Variants in PDE4D observed in about 807,000 individuals in gnomAD.
The protein encoded by PDE4D is phosphodiesterase 4D.
Under a neutral mutation model 87.4 loss-of-function variants are expected in PDE4D, and 24 were observed. The ratio of observed to expected loss-of-function variants is 0.27; its 90% CI spans 0.20 to 0.39. The LOEUF is 0.39. PDE4D is among the 10% of genes least tolerant of loss of function. The probability of loss-of-function intolerance (pLI) is 1.00; values close to 1 mark genes in which losing one functional copy is unlikely to be tolerated. For synonymous variants in PDE4D, 384 were observed against 383.2 expected, an observed-to-expected ratio of 1.00 and a Z score of -0.02; for missense variants, 714 against 1,041.0, an observed-to-expected ratio of 0.69 and a Z score of 4.32.
At chr5:59,474,880 C>G (rs1177777882) in intron 1 of PDE4D, among the ~76,000 whole-genome samples, 1 of 152,070 alleles carries the variant, frequency 6.6e-6, no homozygotes, top group Non-Finnish European at 1.5e-5. Flanking sequence ...AAGGGTTTGA[C>G]TTAATTACTA....
At chr5:59,049,594 C>G (rs189297097) in intron 5 of PDE4D, among the ~76,000 whole-genome samples, 18 of 152,222 alleles carry the variant, frequency 1.2e-4, no homozygotes, top group African/African-American at 4.3e-4. Flanking sequence ...AAAGAATTCA[C>G]CAATACACCA....
At chr5:59,758,766 C>G (rs1169103266) in intron 1 of PDE4D, among the ~76,000 whole-genome samples, 2 of 152,018 alleles carry the variant, frequency 1.3e-5, no homozygotes, top group Non-Finnish European at 2.9e-5. Context: ...CTGTTTTTAC[C>G]CATGTAGCAT....
At chr5:59,420,132 T>C (rs1384651204) in intron 1 of PDE4D, among the ~76,000 whole-genome samples, 1 of 152,212 alleles carries the variant, frequency 6.6e-6, no homozygotes, top group African/African-American at 2.4e-5. Context: ...ATGGTGAAAC[T>C]GTACTGAATT....
intron 1 of PDE4D, among the ~76,000 whole-genome samples, chr5:60,302,967 C>T (rs1754056322): frequency 6.6e-6 from 1 of 152,026 alleles, no homozygotes; most frequent in Admixed American, 6.6e-5. Flanking sequence ...GTAGCTGGGA[C>T]TACAGGTGCG....
intron 5 of PDE4D, among the ~76,000 whole-genome samples, chr5:59,134,305 C>A (rs7729776): frequency 6.6e-6 from 1 of 151,194 alleles, no homozygotes; most frequent in East Asian, 1.9e-4. Flanking sequence ...GTAGTGGAAG[C>A]TCTTAAGACC....
At chr5:59,487,422 A>T (rs1205204654) in intron 1 of PDE4D, among the ~76,000 whole-genome samples, 1 of 152,204 alleles carries the variant, frequency 6.6e-6, no homozygotes, top group Admixed American at 6.5e-5. Context: ...AAAACTTGAA[A>T]ATACTGACTG....
intron 1 of PDE4D, among the ~76,000 whole-genome samples, chr5:59,793,616 A>G (rs1428762396): frequency 6.6e-6 from 1 of 152,220 alleles, no homozygotes; most frequent in African/African-American, 2.4e-5. Flanking sequence ...TTCATTCATA[A>G]TGGTTCAACC....
intron 5 of PDE4D, among the ~76,000 whole-genome samples, chr5:59,093,886 A>G (rs556741528): frequency 6.6e-6 from 1 of 152,300 alleles, no homozygotes; most frequent in Admixed American, 6.5e-5. Flanking sequence ...GTGACCTTAG[A>G]TAAAACACAC....
intron 1 of PDE4D, among the ~76,000 whole-genome samples, chr5:59,385,718 C>G (rs972962039): frequency 3.9e-5 from 6 of 152,100 alleles, no homozygotes; most frequent in African/African-American, 1.4e-4. Context: ...GAGTCCTAAC[C>G]CCTTCCTCTA....
intron 1 of PDE4D, among the ~76,000 whole-genome samples, chr5:59,327,427 C>T (rs1561964693): frequency 6.6e-6 from 1 of 151,986 alleles, no homozygotes; most frequent in Non-Finnish European, 1.5e-5. Flanking sequence ...GGGGAAGGAA[C>T]AGGATGATGA....
chr5:59,008,479 T>A (rs1215240233), intron 6 of PDE4D, among the ~76,000 whole-genome samples: 1 of 152,026 alleles, frequency 6.6e-6, no homozygotes, highest in Non-Finnish European at 1.5e-5. Context: ...AAATTTGAGC[T>A]ATAAAAGAGA....
intron 1 of PDE4D, among the ~76,000 whole-genome samples, chr5:59,553,058 T>G (rs564850503): frequency 4.6e-5 from 7 of 152,294 alleles, no homozygotes; most frequent in African/African-American, 1.4e-4. Flanking sequence ...TTTAAAGCAA[T>G]TTTTCTAATT....
At chr5:59,082,059 G>GTCTC (rs1766868617) in intron 5 of PDE4D, among the ~76,000 whole-genome samples, 1 of 151,978 alleles carries the variant, frequency 6.6e-6, no homozygotes, top group South Asian at 2.1e-4. Flanking sequence ...GTTTCCTGAG[G>GTCTC]TCTCCCCAGC....
chr5:59,105,822 G>A (rs1413004473), intron 5 of PDE4D, among the ~76,000 whole-genome samples: 7 of 152,134 alleles, frequency 4.6e-5, no homozygotes, highest in Admixed American at 2.0e-4. Flanking sequence ...ACTCAGTAGC[G>A]AGTGGGTCAA....
In PDE4D at chr5:59,062,955, TC is replaced by T. The variant is rs555118439; in HGVS notation, c.809-23985del. The T allele has an allele frequency of 5.9e-5, 9 of 152,194 alleles. No homozygotes were observed. The South Asian group carries it at 1.9e-3, about 32-fold the overall frequency. 9.4% of individuals were successfully genotyped at this position (152,194 alleles called of 1,614,324 possible). A position where few individuals can be genotyped will look rare whatever the true frequency, so the allele number is the denominator to read the frequency against. On this transcript the variant is annotated intron_variant, in intron 5 of 14. Transcript: ENST00000340635. Reference sequence around the variant, plus strand: ...CGAAGTACGTGAGTGGGAAATTCAGTCTTTTGCATTCAAGCTCTAAGTAATT... The same window carrying T: ...CGAAGTACGTGAGTGGGAAATTCAGTTTTTGCATTCAAGCTCTAAGTAATT...
At chr5:59,442,868 A>C (rs1392148078) in intron 1 of PDE4D, among the ~76,000 whole-genome samples, 1 of 152,232 alleles carries the variant, frequency 6.6e-6, no homozygotes, top group African/African-American at 2.4e-5. Flanking sequence ...TATATCACCG[A>C]ATTAGTTGTT....
At chr5:59,893,795 G>A (rs1231704598), upstream of PDE4D, 2 of 1,332,720 alleles carry the variant, frequency 1.5e-6, no homozygotes, top group Non-Finnish European at 1.9e-6. Flanking sequence ...CCGAGAGGGG[G>A]CCCTGCCAGC....
chr5:60,139,000 T>C (rs772941470), intron 2 of PDE4D, among the ~76,000 whole-genome samples: 1 of 152,104 alleles, frequency 6.6e-6, no homozygotes, highest in Non-Finnish European at 1.5e-5. Flanking sequence ...ATCCCATTTT[T>C]GGAAATTAGC....
chr5:59,138,285 C>G (rs937042623), intron 5 of PDE4D, among the ~76,000 whole-genome samples: 1 of 152,068 alleles, frequency 6.6e-6, no homozygotes, highest in Non-Finnish European at 1.5e-5. Flanking sequence ...ATTACATTTT[C>G]TTTTTTTGGT....
Sources: allele counts gnomAD v4.1 joint callset (sites outside exome capture counted in the v4.1 genomes callset), GRCh38; gene constraint gnomAD v4.1.1; transcripts MANE v1.5; gene names NCBI Gene and HGNC (gene_info 2026-07-23, HGNC 2026-07-21).